PPM1H: variants seen among roughly 807,000 people sequenced by gnomAD.
PPM1H encodes protein phosphatase 1H.
PPM1H carries 27 observed loss-of-function variants against 54.9 expected under a neutral mutation model. The ratio of observed to expected loss-of-function variants is 0.49; its 90% confidence interval spans 0.36 to 0.68. The LOEUF is 0.68. Among genes scored for constraint, PPM1H ranks in the 30% least tolerant of loss-of-function variants. The probability of loss-of-function intolerance (pLI) is 0.00; values close to 1 mark genes in which losing one functional copy is unlikely to be tolerated. For missense variants in PPM1H, 596 were observed against 667.8 expected, an observed-to-expected ratio of 0.89 and a Z score of 1.19; for synonymous variants, 305 against 270.8, an observed-to-expected ratio of 1.13 and a Z score of -1.24.
intron 8 of PPM1H, among the ~76,000 whole-genome samples, chr12:62,670,613 A>ACT (rs1469299159): frequency 6.6e-6 from 1 of 152,170 alleles, no homozygotes; most frequent in Admixed American, 6.5e-5. Context: ...GGCCAACAGA[A>ACT]TGGGTGTGGG....
chr12:62,817,116 T>TAAA (rs1189819660), intron 2 of PPM1H, among the ~76,000 whole-genome samples: 29 of 41,616 alleles, frequency 7.0e-4, no homozygotes, highest in Admixed American at 1.1e-3. Flanking sequence ...ACTGCATTAC[T>TAAA]AAAAAAAAAA....
At chr12:62,786,264 T>C (rs2076670810) in intron 4 of PPM1H, among the ~76,000 whole-genome samples, 1 of 152,252 alleles carries the variant, frequency 6.6e-6, no homozygotes, top group Non-Finnish European at 1.5e-5. Context: ...GGCTGGCCAC[T>C]CAGTGTGTTT....
chr12:62,913,680 C>T lies in PPM1H; in HGVS notation c.245+20812G>A, dbSNP rs535334497. On this transcript the variant is annotated intron_variant, in intron 1 of 9. Coordinates refer to ENST00000228705, the MANE Select transcript of PPM1H (RefSeq NM_020700.2). ...CCAGACAAGTTTTTGACAAAGTAAG[C>T]ATTCAATATACTGGTTTTTTGGGGG... Among the ~76,000 whole-genome samples the T allele has an allele frequency of 3.3e-5, 5 of 152,170 alleles. No homozygotes were observed. The South Asian group carries it at 1.0e-3, about 32-fold the overall frequency.
At chr12:62,840,092 A>AGAGAGAGAGAGAGAGAGAGAGAG (rs1868686050) in intron 1 of PPM1H, 2 of 143,386 alleles carry the variant, frequency 1.4e-5, no homozygotes, top group Non-Finnish European at 3.0e-5. Context: ...AGAGCGAGAG[A>AGAGAGAGAGAGAGAGAGAGAGAG]AATAAAAAAC....
intron 8 of PPM1H, among the ~76,000 whole-genome samples, chr12:62,679,499 C>G (rs2076006931): frequency 6.6e-6 from 1 of 152,128 alleles, no homozygotes; most frequent in South Asian, 2.1e-4. Flanking sequence ...CCCATTTTCC[C>G]TTTTTGCAGG....
intron 4 of PPM1H, among the ~76,000 whole-genome samples, chr12:62,785,472 C>T (rs1592597809): frequency 1.3e-5 from 2 of 152,318 alleles, no homozygotes; most frequent in South Asian, 4.1e-4. Context: ...CCACCACGCC[C>T]GGCCAAAACA....
chr12:62,773,775 C>G (rs1434402046), intron 4 of PPM1H, among the ~76,000 whole-genome samples: 2 of 152,144 alleles, frequency 1.3e-5, no homozygotes, highest in Non-Finnish European at 2.9e-5. Context: ...TCTGAAGCTA[C>G]AGAGAGGAAC....
chr12:62,710,888 T>C (rs1430934331), intron 6 of PPM1H, among the ~76,000 whole-genome samples: 2 of 152,342 alleles, frequency 1.3e-5, no homozygotes, highest in African/African-American at 4.8e-5. Flanking sequence ...CTCTCCATAA[T>C]AGCTAATGAT....
Position 62,802,104 on chromosome 12 carries a change from G to A in PPM1H, c.468C>T (p.Ser156=), listed in dbSNP as rs1445664019. ...GGCGTGACGCCACCACCGCGGCCCC[G>A]GACCCCGCGTGCCCGTCAAACAGCG... ...YWSLFDGHAG[S]GAAVVASRLL... is the part of the protein sequence containing the mutation. The change falls in exon 3 of 10, where the codon TCC becomes TCT. Residue 156 remains serine, a synonymous_variant. Transcript: ENST00000228705. The A allele has an allele frequency of 6.2e-7, 1 of 1,604,860 alleles. No individual in the cohort carries two copies. Among genetic ancestry groups the A allele is most frequent in the African/African-American group, 1.3e-5 (1 of 74,774 alleles).
intron 2 of PPM1H, among the ~76,000 whole-genome samples, chr12:62,804,658 G>C (rs999791703): frequency 2.0e-5 from 3 of 147,942 alleles, no homozygotes; most frequent in Non-Finnish European, 3.0e-5. Context: ...CTTCATTTTG[G>C]TTAATTTCTT....
intron 1 of PPM1H, among the ~76,000 whole-genome samples, chr12:62,924,966 C>G (rs1167208432): frequency 6.6e-6 from 1 of 151,962 alleles, no homozygotes; most frequent in African/African-American, 2.4e-5. Flanking sequence ...TCGCTTGAAC[C>G]CAGGAGGCAG....
At chr12:62,788,060 A>T (rs960058002) in intron 4 of PPM1H, among the ~76,000 whole-genome samples, 166 bp downstream of exon 4, 1 of 152,256 alleles carries the variant, frequency 6.6e-6, no homozygotes, top group Admixed American at 6.5e-5. Context: ...CATAAGTAAG[A>T]GACTGCCTTT....
intron 1 of PPM1H, among the ~76,000 whole-genome samples, chr12:62,868,672 G>T (rs1452304287): frequency 6.6e-6 from 1 of 152,212 alleles, no homozygotes; most frequent in Non-Finnish European, 1.5e-5. Flanking sequence ...AATATGCACA[G>T]GAGAAGATGC....
chr12:62,667,180 G>T lies in PPM1H; in HGVS notation c.1395C>A (p.His465Gln). The T allele has an allele frequency of 6.3e-7, 1 of 1,588,508 alleles. No homozygotes were observed. Among genetic ancestry groups the T allele is most frequent in the Non-Finnish European group, 8.6e-7 (1 of 1,158,686 alleles). Residue 465 changes from histidine to glutamine, a missense_variant and splice_region_variant, in exon 9 of 10, where the codon CAC (histidine) becomes CAA (glutamine). Physicochemically the swap from His to Gln is conservative, Grantham distance 24. This residue lies in a region of PPM1H where 208 missense variants were observed against 259.5 expected (regional missense o/e 0.80). Transcript: ENST00000228705. ...TACAATTGTAGAAATGCACAAACCT[G>T]TGAGGATCATCTGGATCACAGTTAG... Reference protein sequence around the residue: ...FLPNCDPDDPHRYTLAAQDLV... With the variant: ...FLPNCDPDDPQRYTLAAQDLV...
At chr12:62,916,423 G>C (rs1280709435) in intron 1 of PPM1H, among the ~76,000 whole-genome samples, 1 of 152,176 alleles carries the variant, frequency 6.6e-6, no homozygotes. Flanking sequence ...TCTGAAAAGT[G>C]TGAATGTTAG....
At chr12:62,883,889 G>A (rs1320141476) in intron 1 of PPM1H, among the ~76,000 whole-genome samples, 1 of 151,974 alleles carries the variant, frequency 6.6e-6, no homozygotes, top group Non-Finnish European at 1.5e-5. Context: ...GTCATTAGAA[G>A]AAGAAAAAAG....
chr12:62,817,334 C>T (rs969767169), intron 2 of PPM1H, among the ~76,000 whole-genome samples: 74 of 151,210 alleles, frequency 4.9e-4, no homozygotes, highest in African/African-American at 1.5e-3. Flanking sequence ...TGGTGGCGGG[C>T]GCCTGTAGTC....
chr12:62,800,219 G>A (rs1022161841), intron 3 of PPM1H, among the ~76,000 whole-genome samples: 1 of 152,122 alleles, frequency 6.6e-6, no homozygotes, highest in Non-Finnish European at 1.5e-5. Context: ...ACTACCTGAT[G>A]CCGTGAGATC....
At chr12:62,906,170 A>G (rs1199511439) in intron 1 of PPM1H, among the ~76,000 whole-genome samples, 1 of 151,824 alleles carries the variant, frequency 6.6e-6, no homozygotes, top group Non-Finnish European at 1.5e-5. Context: ...AAGTTTCTGT[A>G]ATTGTGGAAA....
Sources: allele counts gnomAD v4.1 joint callset (sites outside exome capture counted in the v4.1 genomes callset), GRCh38; gene constraint gnomAD v4.1.1; regional missense constraint gnomAD v4.1.1; transcripts MANE v1.5; gene names NCBI Gene and HGNC (gene_info 2026-07-23, HGNC 2026-07-21).